Variants in UGT1A10 observed in about 807,000 individuals in gnomAD.
The protein encoded by UGT1A10 is UDP glucuronosyltransferase family 1 member A10.
A neutral mutation model predicts 45.8 loss-of-function variants in UGT1A10; 49 were observed. The ratio of observed to expected loss-of-function variants is 1.07; its 90% CI spans 0.85 to 1.36. The LOEUF is 1.36. Among genes scored for constraint, UGT1A10 ranks in the 40% most tolerant of loss-of-function variants. UGT1A10 has a pLI of 0.00. For missense variants in UGT1A10, 745 were observed against 668.6 expected (o/e 1.11, Z -1.26); for synonymous variants, 284 against 249.7 (o/e 1.14, Z -1.29).
intron 1 of UGT1A10, chr2:233,690,012 T>C (rs2074971337): frequency 2.3e-6 from 1 of 442,466 alleles, no homozygotes; most frequent in Non-Finnish European, 4.5e-6. Context: ...CTCACCATTT[T>C]GGACCTTCCT....
At chr2:233,728,962 CAG>C in intron 1 of UGT1A10, 1 of 1,451,584 alleles carries the variant, frequency 6.9e-7, no homozygotes, top group Non-Finnish European at 9.2e-7. Flanking sequence ...CAGTGAAAAA[CAG>C]TGATAGATTA....
rs1030911458 is a variant in UGT1A10 at position 233,746,492 on chromosome 2, A to G, written c.856-20542A>G. Among the ~76,000 whole-genome samples, 6 of 151,536 alleles carry G rather than the reference A, an allele frequency of 4.0e-5. 1 individual carries two copies. Among genetic ancestry groups the G allele is most frequent in the African/African-American group, 1.5e-4 (6 of 40,956 alleles). ...CAGAAACACTTTCCATGGACATGTC[A>G]CTCTTTAGTAGCCCCCAAAGCAAGA... On this transcript the variant is annotated intron_variant, in intron 1 of 4. Coordinates refer to ENST00000344644, the MANE Select transcript of UGT1A10 (RefSeq NM_019075.4).
intron 1 of UGT1A10, among the ~76,000 whole-genome samples, chr2:233,657,621 A>G (rs2073884194): frequency 6.6e-6 from 1 of 152,226 alleles, no homozygotes; most frequent in Admixed American, 6.5e-5. Context: ...TAGGGATTAA[A>G]TTTCAACACT....
intron 1 of UGT1A10, chr2:233,690,853 C>T: frequency 4.7e-6 from 5 of 1,064,736 alleles, no homozygotes; most frequent in Non-Finnish European, 5.7e-6. Flanking sequence ...TTTCTAATAC[C>T]TTCTTAATTT....
intron 1 of UGT1A10, among the ~76,000 whole-genome samples, chr2:233,763,842 A>G (rs1366123587): frequency 6.6e-6 from 1 of 152,224 alleles, no homozygotes; most frequent in Non-Finnish European, 1.5e-5. Context: ...AGGGTAAGAT[A>G]GCAGTGGTTC....
At chr2:233,666,870 A>T (rs562483349) in intron 1 of UGT1A10, among the ~76,000 whole-genome samples, 5 of 142,876 alleles carry the variant, frequency 3.5e-5, no homozygotes, top group Non-Finnish European at 7.5e-5. Flanking sequence ...TCATTGTTCA[A>T]TTCCTACCTA....
rs551912265 is a variant in UGT1A10 at position 233,725,264 on chromosome 2, G to GGAGGCAGAGGCAGAGGCA, written c.856-41734_856-41717dup. On this transcript the variant is annotated intron_variant, in intron 1 of 4. Transcript: ENST00000344644. The stretch of plus-strand genomic sequence containing the variant: ...CAGAGGCAGAGGAGGCAGAGGCAGA[G>GGAGGCAGAGGCAGAGGCA]GAGGCAGAGGCAGAGGCAGAGGCAG... Among the ~76,000 whole-genome samples, 12 of 58,548 alleles carry GGAGGCAGAGGCAGAGGCA rather than the reference G, an allele frequency of 2.0e-4. 2 individuals are homozygous for GGAGGCAGAGGCAGAGGCA. The highest frequency in any genetic ancestry group is 1.1e-3 in the Admixed American group (7 of 6,532). 38.4% of individuals were successfully genotyped at this position (58,548 alleles called of 152,430 possible). A position where few individuals can be genotyped will look rare whatever the true frequency, so the allele number is the denominator to read the frequency against.
At chr2:233,660,588 C>T (rs2073942708) in intron 1 of UGT1A10, among the ~76,000 whole-genome samples, 1 of 152,180 alleles carries the variant, frequency 6.6e-6, no homozygotes, top group Non-Finnish European at 1.5e-5. Flanking sequence ...TATTTTTTCC[C>T]TTAAAGGCTC....
intron 1 of UGT1A10, among the ~76,000 whole-genome samples, chr2:233,724,109 G>A (rs1321159895): frequency 1.4e-4 from 16 of 113,960 alleles, no homozygotes; most frequent in East Asian, 4.5e-4. Flanking sequence ...AGGGGCGGCC[G>A]GGCAGAGGCG....
chr2:233,741,020 G>A (rs946824154), intron 1 of UGT1A10: 9 of 151,702 alleles, frequency 5.9e-5, no homozygotes, highest in Admixed American at 3.3e-4. Context: ...CCAGGAATTC[G>A]TGGTTACAGT....
At chr2:233,706,480 A>C (rs1460971839) in intron 1 of UGT1A10, among the ~76,000 whole-genome samples, 2 of 152,254 alleles carry the variant, frequency 1.3e-5, no homozygotes, top group Non-Finnish European at 2.9e-5. Flanking sequence ...GGCTGGGTAC[A>C]TGAGGGTGTC....
chr2:233,672,749 T>C (rs570410415), intron 1 of UGT1A10: 236 of 1,613,950 alleles, frequency 1.5e-4, no homozygotes, highest in African/African-American at 4.5e-4. Flanking sequence ...ATGATCTTCA[T>C]TGGTGGTATC....
intron 1 of UGT1A10, among the ~76,000 whole-genome samples, chr2:233,723,397 A>G (rs1363252686): frequency 3.9e-5 from 5 of 128,818 alleles, no homozygotes; most frequent in Non-Finnish European, 7.9e-5. Context: ...TTTAGTAGAG[A>G]TGGGGTTTCA....
At chr2:233,681,075 T>C (rs1248769670) in intron 1 of UGT1A10, among the ~76,000 whole-genome samples, 5 of 151,788 alleles carry the variant, frequency 3.3e-5, no homozygotes, top group Non-Finnish European at 5.9e-5. Context: ...GTCACAATTG[T>C]GGCTCACCTG....
chr2:233,741,330 A>G lies in UGT1A10; in HGVS notation c.856-25704A>G, dbSNP rs546865407. On this transcript the variant is annotated intron_variant, in intron 1 of 4. Coordinates refer to ENST00000344644, the MANE Select transcript of UGT1A10 (RefSeq NM_019075.4). ...CACACCAACTCATTCTACTCTACCC[A>G]GAGTAGTGATTTCCAACACACAAAA... is the stretch of plus-strand genomic sequence containing the variant. Among the ~76,000 whole-genome samples the G allele has an allele frequency of 1.8e-4, 27 of 151,932 alleles. 1 individual carries two copies. Among genetic ancestry groups the G allele is most frequent in the African/African-American group, 5.6e-4 (23 of 41,194 alleles).
At chr2:233,711,386 T>C (rs1328064942) in intron 1 of UGT1A10, among the ~76,000 whole-genome samples, 2 of 152,206 alleles carry the variant, frequency 1.3e-5, no homozygotes, top group African/African-American at 2.4e-5. Context: ...CCCTCCCAGG[T>C]GTGTTCCACC....
At chr2:233,766,909 C>G in intron 1 of UGT1A10, 125 bp from the exon 2 acceptor site, 2 of 1,513,870 alleles carry the variant, frequency 1.3e-6, no homozygotes, top group South Asian at 1.3e-5. Flanking sequence ...ATTTTTTACT[C>G]TATCTCAAAC....
chr2:233,684,973 TTGA>T (rs796323328), intron 1 of UGT1A10, among the ~76,000 whole-genome samples: 38 of 152,250 alleles, frequency 2.5e-4, no homozygotes, highest in African/African-American at 8.9e-4. Context: ...AAAGCATTGC[TTGA>T]TGATGCAGTG....
chr2:233,658,831 A>T (rs1429574774), intron 1 of UGT1A10, among the ~76,000 whole-genome samples: 1 of 152,216 alleles, frequency 6.6e-6, no homozygotes, highest in Non-Finnish European at 1.5e-5. Flanking sequence ...CCATTGATCC[A>T]GTTGTGAAAT....
Sources: allele counts gnomAD v4.1 joint callset (sites outside exome capture counted in the v4.1 genomes callset), GRCh38; gene constraint gnomAD v4.1.1; transcripts MANE v1.5; gene names NCBI Gene and HGNC (gene_info 2026-07-23, HGNC 2026-07-21).